TNFRSF1B: variants seen among roughly 807,000 people sequenced by gnomAD.
The protein encoded by TNFRSF1B is tumor necrosis factor receptor superfamily member 1B.
A neutral mutation model predicts 44.6 loss-of-function variants in TNFRSF1B; 19 were observed. The observed-to-expected ratio is 0.43, with a 90% CI of 0.30 to 0.62. The LOEUF (loss-of-function observed/expected upper bound fraction) is 0.62. TNFRSF1B is among the 20% of genes least tolerant of loss of function. The probability of loss-of-function intolerance (pLI) is 0.16; values close to 1 mark genes in which losing one functional copy is unlikely to be tolerated. For synonymous variants in TNFRSF1B, 252 were observed against 261.1 expected (o/e 0.97, Z 0.34); for missense variants, 541 against 619.9 (o/e 0.87, Z 1.35).
intron 1 of TNFRSF1B, among the ~76,000 whole-genome samples, chr1:12,170,846 T>G (rs1638506047): frequency 6.6e-6 from 1 of 151,776 alleles, no homozygotes; most frequent in Non-Finnish European, 1.5e-5. Context: ...TTTTTTTTTT[T>G]TGTATTTTTA....
chr1:12,169,484 T>C lies in TNFRSF1B; in HGVS notation c.78+2315T>C, dbSNP rs113094036. Among the ~76,000 whole-genome samples the C allele has an allele frequency of 6.4e-4, 97 of 152,270 alleles. 1 individual carries two copies. Among genetic ancestry groups the C allele is most frequent in the African/African-American group, 2.1e-3 (88 of 41,550 alleles). On this transcript the variant is annotated intron_variant, in intron 1 of 9. Coordinates refer to ENST00000376259, the MANE Select transcript of TNFRSF1B (RefSeq NM_001066.3). This position sits in a 1 kb window ranked among gnomAD's most constrained non-coding sequence, Gnocchi z 4.5. Reference sequence around the variant, plus strand: ...GGGGGCCGGGGAGCTGGGGGTGGGATTTGAATGCAGGTCTGCCTGATTCCC... The same window carrying C: ...GGGGGCCGGGGAGCTGGGGGTGGGACTTGAATGCAGGTCTGCCTGATTCCC...
intron 1 of TNFRSF1B, among the ~76,000 whole-genome samples, chr1:12,172,944 C>T (rs530339044): frequency 1.3e-5 from 2 of 152,236 alleles, no homozygotes; most frequent in African/African-American, 4.8e-5. Context: ...CCTCTTCCAT[C>T]TCCAACCTCT....
rs183214075 is a variant in TNFRSF1B, at chr1:12,186,482, G to A, written c.79-2314G>A. Among the ~76,000 whole-genome samples the A allele has an allele frequency of 1.1e-3, 168 of 152,332 alleles. 1 individual carries two copies. Among genetic ancestry groups the A allele is most frequent in the Non-Finnish European group, 2.0e-3 (138 of 68,032 alleles). On this transcript the variant is annotated intron_variant, in intron 1 of 9. Coordinates refer to ENST00000376259, the MANE Select transcript of TNFRSF1B (RefSeq NM_001066.3). The surrounding 1 kb of genome is among the most constrained non-coding windows in gnomAD (Gnocchi z 4.8). Reference sequence around the variant, plus strand: ...AAGTCCAGGATAGGTCCATGGCCACGTTGTGCTGGTTTGTTAAATATTTTT... The same window carrying A: ...AAGTCCAGGATAGGTCCATGGCCACATTGTGCTGGTTTGTTAAATATTTTT...
Position 12,180,810 on chromosome 1 carries a change from T to C in TNFRSF1B, c.79-7986T>C, listed in dbSNP as rs1045888932. On this transcript the variant is annotated intron_variant, in intron 1 of 9. Coordinates refer to ENST00000376259, the MANE Select transcript of TNFRSF1B (RefSeq NM_001066.3). The surrounding 1 kb of genome is among the most constrained non-coding windows in gnomAD (Gnocchi z 4.3). ...CCTCGGCAGCTCTCAGAAGCTCACC[T>C]TCTTGCAGGCTCTCACAGCCGCATC... 1.4e-4 allele frequency among the ~76,000 whole-genome samples: 22 copies of C among 152,184 alleles called. No homozygotes were observed. The highest frequency in any genetic ancestry group is 1.2e-3 in the Admixed American group (18 of 15,278).
intron 7 of TNFRSF1B, among the ~76,000 whole-genome samples, chr1:12,194,376 G>A (rs554002262): frequency 1.2e-4 from 18 of 152,198 alleles, no homozygotes; most frequent in Middle Eastern, 3.4e-3. Context: ...GTGGAGGCGC[G>A]GATGGTATAG....
chr1:12,202,365 C>T (rs1031208113), intron 9 of TNFRSF1B, among the ~76,000 whole-genome samples, 194 bp downstream of exon 9: 4 of 152,250 alleles, frequency 2.6e-5, no homozygotes, highest in African/African-American at 9.6e-5. Context: ...CCTCAAAATC[C>T]TCCCTTCTGT....
intron 9 of TNFRSF1B, 30 bp from the exon 10 acceptor site, chr1:12,206,710 C>A: frequency 6.5e-7 from 1 of 1,536,318 alleles, no homozygotes; most frequent in South Asian, 1.3e-5. Context: ...GACCCCCGGA[C>A]TGACCCCCAC....
At chr1:12,183,801 TC>T (rs1557629428) in intron 1 of TNFRSF1B, among the ~76,000 whole-genome samples, 4,848 of 134,858 alleles carry the variant, frequency 0.036, 154 homozygotes, top group Middle Eastern at 0.057. Context: ...TATCTATCTA[TC>T]TAGCTATCTA....
intron 1 of TNFRSF1B, among the ~76,000 whole-genome samples, chr1:12,170,189 A>G (rs1188074800): frequency 6.6e-6 from 1 of 152,130 alleles, no homozygotes; most frequent in East Asian, 1.9e-4. Context: ...TCATTCATTC[A>G]TTCATTCCCC....
Position 12,168,042 on chromosome 1 carries a change from T to C in TNFRSF1B, c.78+873T>C, listed in dbSNP as rs1638435009. Among the ~76,000 whole-genome samples, 2 of 152,188 alleles carry C rather than the reference T, an allele frequency of 1.3e-5. No homozygotes were observed. Among genetic ancestry groups the C allele is most frequent in the Non-Finnish European group, 2.9e-5 (2 of 68,022 alleles). On this transcript the variant is annotated intron_variant, in intron 1 of 9. Transcript: ENST00000376259. The surrounding 1 kb of genome is among the most constrained non-coding windows in gnomAD (Gnocchi z 4.7). ...TTGTTTTACTGTCTCCATGGTTTGG[T>C]AAGATAAGATAAACCATTTTTTAGA...
At position 12,169,466 on chromosome 1, in the gene TNFRSF1B, G is replaced by A. The variant is rs1388960170; in HGVS notation, c.78+2297G>A. Among the ~76,000 whole-genome samples the A allele has an allele frequency of 1.3e-5, 2 of 152,110 alleles. No individual in the cohort carries two copies. The highest frequency in any genetic ancestry group is 2.4e-5 in the African/African-American group (1 of 41,428). On this transcript the variant is annotated intron_variant, in intron 1 of 9. Coordinates refer to ENST00000376259, the MANE Select transcript of TNFRSF1B (RefSeq NM_001066.3). This position sits in a 1 kb window ranked among gnomAD's most constrained non-coding sequence, Gnocchi z 4.5. ...TCCCAGGATCACAGAGCTGGGGGCC[G>A]GGGAGCTGGGGGTGGGATTTGAATG...
chr1:12,184,673 A>G lies in TNFRSF1B; in HGVS notation c.79-4123A>G, dbSNP rs538799386. Among the ~76,000 whole-genome samples, 46 of 152,316 alleles carry G rather than the reference A, an allele frequency of 3.0e-4. 1 individual carries two copies. The highest frequency in any genetic ancestry group is 2.2e-3 in the Admixed American group (33 of 15,314). Reference sequence around the variant, plus strand: ...GTCCATTGCGGCTCTTGAGAGCCCAAACTTGGCCACGGCAGGGCTCTTTCC... The same window carrying G: ...GTCCATTGCGGCTCTTGAGAGCCCAGACTTGGCCACGGCAGGGCTCTTTCC... On this transcript the variant is annotated intron_variant, in intron 1 of 9. Transcript: ENST00000376259.
At position 12,169,632 on chromosome 1, in the gene TNFRSF1B, C is replaced by A. The variant is rs888952229; in HGVS notation, c.78+2463C>A. ...AGCTGCAGAAGAAGCCCCCAGGAGA[C>A]CTGAGCTAGCCATGGACGCAGCCGA... On this transcript the variant is annotated intron_variant, in intron 1 of 9. Coordinates refer to ENST00000376259, the MANE Select transcript of TNFRSF1B (RefSeq NM_001066.3). The surrounding 1 kb of genome is among the most constrained non-coding windows in gnomAD (Gnocchi z 4.5). 2.0e-5 allele frequency among the ~76,000 whole-genome samples: 3 copies of A among 152,270 alleles called. No individual in the cohort carries two copies. Among genetic ancestry groups the A allele is most frequent in the African/African-American group, 7.2e-5 (3 of 41,472 alleles).
At chr1:12,167,222 C>T (rs1313204158) in intron 1 of TNFRSF1B, 53 bp downstream of exon 1, 3 of 1,210,162 alleles carry the variant, frequency 2.5e-6, no homozygotes, top group Non-Finnish European at 3.1e-6. Context: ...GTCCACCCGG[C>T]TGGTGCGCAG....
Position 12,168,931 on chromosome 1 carries a change from G to A in TNFRSF1B, c.78+1762G>A, listed in dbSNP as rs920142434. On this transcript the variant is annotated intron_variant, in intron 1 of 9. Coordinates refer to ENST00000376259, the MANE Select transcript of TNFRSF1B (RefSeq NM_001066.3). The surrounding 1 kb of genome is among the most constrained non-coding windows in gnomAD (Gnocchi z 4.7). ...ACTCCCCTGGAGATCCCAGGCCAGA[G>A]TAAGGTACCTGAACTCTTCCTCGCG... Among the ~76,000 whole-genome samples, 4 of 152,158 alleles carry A rather than the reference G, an allele frequency of 2.6e-5. No homozygotes were observed. Among genetic ancestry groups the A allele is most frequent in the African/African-American group, 4.8e-5 (2 of 41,408 alleles).
At position 12,176,103 on chromosome 1, in the gene TNFRSF1B, C is replaced by T. The variant is rs112014585; in HGVS notation, c.78+8934C>T. Among the ~76,000 whole-genome samples, 1,001 of 152,058 alleles carry T rather than the reference C, an allele frequency of 6.6e-3. 11 individuals are homozygous for T. The highest frequency in any genetic ancestry group is 0.023 in the African/African-American group (941 of 41,458). Reference sequence around the variant, plus strand: ...GCGTGGTGGTGTGCACCTGTAGTCCCAGCTACTTGGGAGGCTGAGGTATGA... The same window carrying T: ...GCGTGGTGGTGTGCACCTGTAGTCCTAGCTACTTGGGAGGCTGAGGTATGA... On this transcript the variant is annotated intron_variant, in intron 1 of 9. Transcript: ENST00000376259.
chr1:12,204,299 C>A (rs1318211650), intron 9 of TNFRSF1B, among the ~76,000 whole-genome samples: 8 of 152,162 alleles, frequency 5.3e-5, no homozygotes, highest in Non-Finnish European at 2.9e-5. Context: ...GCTCGATATA[C>A]AAAGGCCATG....
chr1:12,203,676 C>T (rs377473784), intron 9 of TNFRSF1B, among the ~76,000 whole-genome samples: 3 of 152,216 alleles, frequency 2.0e-5, no homozygotes, highest in African/African-American at 2.4e-5. Context: ...TGAATGAGTG[C>T]GCTCCAATTA....
rs995442824 is a variant in TNFRSF1B, at chr1:12,180,012, C to T, written c.79-8784C>T. Among the ~76,000 whole-genome samples the T allele has an allele frequency of 1.3e-5, 2 of 152,046 alleles. No homozygotes were observed. The highest frequency in any genetic ancestry group is 2.1e-4 in the South Asian group (1 of 4,826). On this transcript the variant is annotated intron_variant, in intron 1 of 9. Transcript: ENST00000376259. This position sits in a 1 kb window ranked among gnomAD's most constrained non-coding sequence, Gnocchi z 4.3. ...CTGAAGCTTCTCCCTGTGGCCACCT[C>T]CCCACCGCATCATCTTCCGTTCTCA...
Sources: allele counts gnomAD v4.1 joint callset (sites outside exome capture counted in the v4.1 genomes callset), GRCh38; gene constraint gnomAD v4.1.1; non-coding constraint Gnocchi (gnomAD v3.1); transcripts MANE v1.5; gene names NCBI Gene and HGNC (gene_info 2026-07-23, HGNC 2026-07-21).